The following SH3D19 variants were observed in gnomAD, a reference collection of about 807,000 sequenced individuals.
SH3D19 encodes the protein SH3 domain containing 19.
In SH3D19, 58 loss-of-function variants were observed where a neutral mutation model predicts 112.1. The ratio of observed to expected loss-of-function variants is 0.52; its 90% CI spans 0.42 to 0.64. The LOEUF is 0.64. SH3D19 is among the 30% of genes least tolerant of loss of function. The pLI, the probability that SH3D19 is intolerant of heterozygous loss-of-function variation, is 0.00. For missense variants in SH3D19, 1,090 were observed against 1,263.4 expected, an observed-to-expected ratio of 0.86 and a Z score of 2.08; for synonymous variants, 391 against 448.5, an observed-to-expected ratio of 0.87 and a Z score of 1.62.
chr4:151,236,122 C>G (rs774862403), intron 1 of SH3D19, among the ~76,000 whole-genome samples: 1 of 152,250 alleles, frequency 6.6e-6, no homozygotes. Context: ...GGTGCCTCCT[C>G]GGCCTCGGCG....
At chr4:151,226,202 T>A in intron 1 of SH3D19, 116 bp from the exon 2 acceptor site, 1 of 1,227,820 alleles carries the variant, frequency 8.1e-7, no homozygotes, top group Non-Finnish European at 1.0e-6. Context: ...CAAAGGTAGT[T>A]GTGTCTTCCT....
At chr4:151,141,192 C>T (rs2149760750) in intron 12 of SH3D19, 1 of 151,448 alleles carries the variant, frequency 6.6e-6, no homozygotes. Flanking sequence ...GTGGCACAAT[C>T]ACAGCTCACT....
At chr4:151,245,373 A>G (rs1770868667) in intron 1 of SH3D19, among the ~76,000 whole-genome samples, 1 of 152,066 alleles carries the variant, frequency 6.6e-6, no homozygotes, top group South Asian at 2.1e-4. Context: ...TTACACATCA[A>G]TGCTTGATTA....
chr4:151,137,496 G>A (rs899860119), intron 14 of SH3D19, among the ~76,000 whole-genome samples: 6 of 152,094 alleles, frequency 3.9e-5, no homozygotes, highest in Non-Finnish European at 8.8e-5. Context: ...GTTGACCTGT[G>A]GTGGTCTTTC....
chr4:151,198,729 T>A (rs1763951258), intron 2 of SH3D19, among the ~76,000 whole-genome samples: 1 of 151,984 alleles, frequency 6.6e-6, no homozygotes, highest in African/African-American at 2.4e-5. Flanking sequence ...TAAAAATGCA[T>A]AAATTATTTA....
chr4:151,150,958 CTTT>C (rs10714871), intron 9 of SH3D19, among the ~76,000 whole-genome samples: 15 of 110,858 alleles, frequency 1.4e-4, no homozygotes, highest in African/African-American at 1.5e-4. Context: ...TCACAAAATT[CTTT>C]TTTTTTTTTT....
rs913500918 is a variant in SH3D19, at chr4:151,175,668, T to C, written c.536A>G (p.Gln179Arg). 4 of 1,268,244 alleles carry C rather than the reference T, an allele frequency of 3.2e-6. No homozygotes were observed. The African/African-American group carries it at 6.2e-5, about 20-fold the overall frequency. The allele number at this position is 1,268,244 out of a possible 1,614,324, so 78.6% of individuals were successfully genotyped here. A position where few individuals can be genotyped will look rare whatever the true frequency, so the allele number is the denominator to read the frequency against. ...EIDNDLPQTL[Q>R]APLKPLQPFS... ...AGGCTGAAGAGGCTTGAGAGGTGCCTGTAGTGCTGACGAGACCAAAACAAA... is the reference window on the plus strand; with the variant it reads ...AGGCTGAAGAGGCTTGAGAGGTGCCCGTAGTGCTGACGAGACCAAAACAAA... Residue 179 changes from glutamine (Q) to arginine (R), a missense_variant, in exon 7 of 20, where the codon CAG (glutamine) becomes CGG (arginine). Physicochemically the swap from Gln to Arg is conservative, Grantham distance 43 (BLOSUM62 1). Transcript: ENST00000604030.
At chr4:151,232,274 T>C (rs1275667230) in intron 1 of SH3D19, among the ~76,000 whole-genome samples, 1 of 152,232 alleles carries the variant, frequency 6.6e-6, no homozygotes, top group Non-Finnish European at 1.5e-5. Flanking sequence ...CATTTTAGGT[T>C]CTTATCAGCA....
At chr4:151,286,464 A>G (rs992982192) in intron 1 of SH3D19, among the ~76,000 whole-genome samples, 2 of 151,702 alleles carry the variant, frequency 1.3e-5, no homozygotes, top group Non-Finnish European at 2.9e-5. Flanking sequence ...ACTATGAATA[A>G]CAGTATGCCA....
chr4:151,261,776 A>G (rs1257166833), intron 1 of SH3D19, among the ~76,000 whole-genome samples: 1 of 152,218 alleles, frequency 6.6e-6, no homozygotes, highest in Non-Finnish European at 1.5e-5. Context: ...AAAAGTAAAA[A>G]GGACAGAGTA....
chr4:151,297,962 G>A (rs1438002580), intron 1 of SH3D19, among the ~76,000 whole-genome samples: 1 of 152,152 alleles, frequency 6.6e-6, no homozygotes, highest in Non-Finnish European at 1.5e-5. Flanking sequence ...AAGGATGGAA[G>A]CAGAAAGAAG....
chr4:151,137,188 C>T (rs1029127525), intron 14 of SH3D19, among the ~76,000 whole-genome samples: 14 of 152,240 alleles, frequency 9.2e-5, no homozygotes, highest in Admixed American at 8.5e-4. Context: ...ATATAATTTT[C>T]CTAATCAGAT....
intron 1 of SH3D19, among the ~76,000 whole-genome samples, chr4:151,236,879 TAATCAGCTCTCTGTAAAATGGACC>T (rs1296296419): frequency 3.3e-5 from 5 of 152,302 alleles, no homozygotes; most frequent in East Asian, 1.9e-4. Flanking sequence ...TAAAACGGAC[TAATCAGCTCTCTGTAAAATGGACC>T]AATCAGCTCT....
intron 17 of SH3D19, 30 bp downstream of exon 17, chr4:151,132,301 T>A (rs1003320168): frequency 5.0e-6 from 8 of 1,602,394 alleles, no homozygotes; most frequent in Non-Finnish European, 6.0e-6. Flanking sequence ...AACCTGGCTG[T>A]CACTATAGTC....
intron 11 of SH3D19, among the ~76,000 whole-genome samples, chr4:151,146,372 C>T (rs1753918055): frequency 6.6e-6 from 1 of 152,126 alleles, no homozygotes; most frequent in South Asian, 2.1e-4. Context: ...TCTTGGCTCA[C>T]TGAAACCTCC....
chr4:151,145,960 C>T (rs888687364), intron 11 of SH3D19, among the ~76,000 whole-genome samples: 18 of 152,244 alleles, frequency 1.2e-4, no homozygotes, highest in African/African-American at 2.4e-4. Flanking sequence ...CTTCAAACAG[C>T]GCCTGGCTCA....
At chr4:151,158,461 G>C (rs553715316) in intron 9 of SH3D19, among the ~76,000 whole-genome samples, 1 of 151,878 alleles carries the variant, frequency 6.6e-6, no homozygotes, top group Non-Finnish European at 1.5e-5. Context: ...CACCACGTCC[G>C]GCTAATTTTT....
At chr4:151,270,033 C>A (rs1271476893) in intron 1 of SH3D19, among the ~76,000 whole-genome samples, 1 of 151,912 alleles carries the variant, frequency 6.6e-6, no homozygotes, top group African/African-American at 2.4e-5. Context: ...TCCTGACAGA[C>A]CTGCCTAAAG....
chr4:151,189,821 T>C (rs1278234988), intron 2 of SH3D19, among the ~76,000 whole-genome samples: 2 of 151,970 alleles, frequency 1.3e-5, no homozygotes, highest in African/African-American at 4.8e-5. Context: ...TTGGTACTAG[T>C]AGAGTGGGTG....
Sources: allele counts gnomAD v4.1 joint callset (sites outside exome capture counted in the v4.1 genomes callset), GRCh38; gene constraint gnomAD v4.1.1; transcripts MANE v1.5; gene names NCBI Gene and HGNC (gene_info 2026-07-23, HGNC 2026-07-21).